MAGI3: variants seen among roughly 807,000 people sequenced by gnomAD.
The protein encoded by MAGI3 is membrane associated guanylate kinase, WW and PDZ domain containing 3.
A neutral mutation model predicts 121.8 loss-of-function variants in MAGI3; 43 were observed. The observed-to-expected ratio is 0.35, with a 90% CI of 0.28 to 0.46. The LOEUF (loss-of-function observed/expected upper bound fraction) is 0.46. Among genes scored for constraint, MAGI3 ranks in the 20% least tolerant of loss-of-function variants. The pLI, the probability that MAGI3 is intolerant of heterozygous loss-of-function variation, is 1.00. For missense variants in MAGI3, 1,547 were observed against 1,797.3 expected, an observed-to-expected ratio of 0.86 and a Z score of 2.52; for synonymous variants, 553 against 639.3, an observed-to-expected ratio of 0.86 and a Z score of 2.04.
chr1:113,575,950 T>C (rs992961325), intron 2 of MAGI3, among the ~76,000 whole-genome samples: 1 of 152,118 alleles, frequency 6.6e-6, no homozygotes, highest in Non-Finnish European at 1.5e-5. Flanking sequence ...TGCAGTGAGT[T>C]CCACACAGTC....
intron 4 of MAGI3, among the ~76,000 whole-genome samples, 192 bp from the exon 5 acceptor site, chr1:113,590,292 T>G (rs1474855765): frequency 1.3e-5 from 2 of 152,156 alleles, no homozygotes; most frequent in Non-Finnish European, 1.5e-5. Flanking sequence ...TATACAGAGT[T>G]AATTGTCAAT....
chr1:113,536,430 A>C (rs1251210527), intron 1 of MAGI3, among the ~76,000 whole-genome samples: 3 of 152,066 alleles, frequency 2.0e-5, no homozygotes, highest in Non-Finnish European at 4.4e-5. Flanking sequence ...TCTCAGTTCC[A>C]AGTACAATTA....
At chr1:113,533,348 C>T (rs982120062) in intron 1 of MAGI3, among the ~76,000 whole-genome samples, 1 of 152,178 alleles carries the variant, frequency 6.6e-6, no homozygotes, top group Non-Finnish European at 1.5e-5. Context: ...ATAACCAAAT[C>T]CACATGTTTT....
rs146823753 is a variant in MAGI3 at position 113,664,957 on chromosome 1, A to G, written c.2815+5692A>G. The stretch of plus-strand genomic sequence containing the variant: ...TCTGCCATCTGTATGTTCTTTGACC[A>G]TGGTACCCTTTATTATACAGAAATT... On this transcript the variant is annotated intron_variant, in intron 16 of 20. Transcript: ENST00000307546. Among the ~76,000 whole-genome samples, 277 of 152,290 alleles carry G rather than the reference A, an allele frequency of 1.8e-3. 1 individual carries two copies. Among genetic ancestry groups the G allele is most frequent in the African/African-American group, 6.2e-3 (258 of 41,560 alleles).
At chr1:113,572,151 T>C (rs544307872) in intron 2 of MAGI3, among the ~76,000 whole-genome samples, 1 of 152,340 alleles carries the variant, frequency 6.6e-6, no homozygotes, top group Non-Finnish European at 1.5e-5. Context: ...ATTGAGATAA[T>C]CATGTGGTTT....
chr1:113,467,166 T>G (rs919803144), intron 1 of MAGI3, among the ~76,000 whole-genome samples: 1 of 152,134 alleles, frequency 6.6e-6, no homozygotes, highest in Non-Finnish European at 1.5e-5. Context: ...TTCAAGAAAT[T>G]TTAAAATTTT....
chr1:113,411,497 A>G (rs1200219642), intron 1 of MAGI3, among the ~76,000 whole-genome samples: 1 of 152,024 alleles, frequency 6.6e-6, no homozygotes, highest in Non-Finnish European at 1.5e-5. Flanking sequence ...GTATTCTGGT[A>G]TATTGGGAAT....
At chr1:113,543,397 ATT>A (rs1227351001) in intron 1 of MAGI3, among the ~76,000 whole-genome samples, 1 of 152,228 alleles carries the variant, frequency 6.6e-6, no homozygotes, top group Non-Finnish European at 1.5e-5. Context: ...TTGATGAAGA[ATT>A]TATTTTAGTG....
At chr1:113,643,813 A>G in intron 11 of MAGI3, 39 bp downstream of exon 11, 2 of 1,583,872 alleles carry the variant, frequency 1.3e-6, no homozygotes, top group Non-Finnish European at 1.7e-6. Flanking sequence ...TCCCCAACAC[A>G]CTGAGAGAGA....
intron 1 of MAGI3, among the ~76,000 whole-genome samples, chr1:113,515,079 A>G (rs1414392600): frequency 6.6e-6 from 1 of 152,130 alleles, no homozygotes; most frequent in Non-Finnish European, 1.5e-5. Context: ...GTTTCTGAAT[A>G]AAAGTTTCTC....
At chr1:113,543,514 CT>C (rs1014819224) in intron 1 of MAGI3, among the ~76,000 whole-genome samples, 25 of 152,250 alleles carry the variant, frequency 1.6e-4, no homozygotes, top group African/African-American at 5.5e-4. Context: ...TAAGTGAGCA[CT>C]GTCTTCTAAA....
At chr1:113,629,890 G>T (rs1049626923) in intron 9 of MAGI3, among the ~76,000 whole-genome samples, 5 of 151,460 alleles carry the variant, frequency 3.3e-5, no homozygotes, top group Admixed American at 6.6e-5. Context: ...ACTGCGCTGG[G>T]TGAGACATGA....
intron 2 of MAGI3, among the ~76,000 whole-genome samples, chr1:113,566,429 G>A (rs577571269): frequency 6.6e-6 from 1 of 152,246 alleles, no homozygotes; most frequent in African/African-American, 2.4e-5. Flanking sequence ...TGAGGAAACA[G>A]AGGACTTGAA....
chr1:113,534,534 C>G (rs1206249953), intron 1 of MAGI3, among the ~76,000 whole-genome samples: 1 of 152,086 alleles, frequency 6.6e-6, no homozygotes, highest in Non-Finnish European at 1.5e-5. Flanking sequence ...GCCTGGCTTC[C>G]CCTACCAGTC....
rs1400382574 is a variant in MAGI3, at chr1:113,649,236, G to A, written c.2156-1G>A. 1 of 1,609,808 alleles carries A rather than the reference G, an allele frequency of 6.2e-7. No individual in the cohort carries two copies. On this transcript the variant is annotated splice_acceptor_variant, in intron 12 of 20. Coordinates refer to ENST00000307546, the MANE Select transcript of MAGI3 (RefSeq NM_001142782.2). LOFTEE classifies it high-confidence loss of function. ...TATTTATATTTTCTGATTTTCCTCA[G>A]CACCAAACACCAAAGATTTGGATGT... is the stretch of plus-strand genomic sequence containing the variant.
At chr1:113,428,923 T>G (rs1212196404) in intron 1 of MAGI3, among the ~76,000 whole-genome samples, 2 of 152,244 alleles carry the variant, frequency 1.3e-5, no homozygotes, top group Non-Finnish European at 2.9e-5. Flanking sequence ...ATTAAAAATT[T>G]AAACATTACA....
intron 9 of MAGI3, among the ~76,000 whole-genome samples, chr1:113,636,610 T>G (rs2101812410): frequency 1.3e-5 from 2 of 152,270 alleles, no homozygotes; most frequent in South Asian, 4.1e-4. Flanking sequence ...TTATAATTTC[T>G]GTTCTTTTAC....
At position 113,391,094 on chromosome 1, in the gene MAGI3, T is replaced by C. The variant is rs1488657471; in HGVS notation, c.61T>C (p.Ser21Pro). The change falls in exon 1 of 21, where the codon TCC becomes CCC. Residue 21 changes from serine (S) to proline (P), a missense_variant. Physicochemically the swap from Ser to Pro is moderately conservative, Grantham distance 74. Coordinates refer to ENST00000307546, the MANE Select transcript of MAGI3 (RefSeq NM_001142782.2). This position sits in a 1 kb window ranked among gnomAD's most constrained non-coding sequence, Gnocchi z 4.4. ...CAGCAAGGTGCAGGAGTGCGCCGTG[T>C]CCTGGGCCGGGCCCCCGGGCGACTT... ...WLSKVQECAV[S>P]WAGPPGDFGA... The C allele has an allele frequency of 6.3e-7, 1 of 1,587,892 alleles. No homozygotes were observed. The highest frequency in any genetic ancestry group is 8.6e-7 in the Non-Finnish European group (1 of 1,167,910).
At chr1:113,487,662 TAACA>T (rs1172319117) in intron 1 of MAGI3, among the ~76,000 whole-genome samples, 1 of 152,082 alleles carries the variant, frequency 6.6e-6, no homozygotes, top group Non-Finnish European at 1.5e-5. Context: ...TAATACATTA[TAACA>T]AATTTAAGTG....
Sources: gnomAD v4.1 joint callset for allele counts (sites outside exome capture counted in the v4.1 genomes callset) on GRCh38, gnomAD v4.1.1 for gene constraint, Gnocchi (gnomAD v3.1) non-coding constraint, MANE v1.5 for transcripts, NCBI Gene and HGNC (gene_info 2026-07-23, HGNC 2026-07-21) for gene names.